C10orf67: variants seen among roughly 807,000 people sequenced by gnomAD.
C10orf67 encodes the protein uncharacterized protein C10orf67, mitochondrial.
In C10orf67, 60 loss-of-function variants were observed where a neutral mutation model predicts 35.6. The observed-to-expected ratio is 1.68, with a 90% CI of 1.37 to 2.09. C10orf67 has a LOEUF of 2.09. Among genes scored for constraint, C10orf67 ranks in the 30% most tolerant of loss-of-function variants. The probability of loss-of-function intolerance (pLI) is 0.00; values close to 1 mark genes in which losing one functional copy is unlikely to be tolerated. For missense variants in C10orf67, 474 were observed against 330.2 expected (o/e 1.44, Z -3.38); for synonymous variants, 167 against 115.8 (o/e 1.44, Z -2.84).
intron 1 of C10orf67, among the ~76,000 whole-genome samples, chr10:23,339,858 T>A (rs1845816889): frequency 6.6e-6 from 1 of 152,188 alleles, no homozygotes. Context: ...GGACCCTGAG[T>A]GCTACATCAA....
intron 10 of C10orf67, among the ~76,000 whole-genome samples, chr10:23,256,040 G>A (rs1842591068): frequency 6.6e-6 from 1 of 152,052 alleles, no homozygotes; most frequent in Non-Finnish European, 1.5e-5. Flanking sequence ...TTTGCTCCAT[G>A]GCTCAGGCTG....
rs567394599 is a variant in C10orf67 at position 23,323,819 on chromosome 10, G to A, written c.328-1282C>T. Among the ~76,000 whole-genome samples, 776 of 143,484 alleles carry A rather than the reference G, an allele frequency of 5.4e-3. 5 individuals carry two copies. The highest frequency in any genetic ancestry group is 8.1e-3 in the African/African-American group (317 of 38,900). The allele number at this position is 143,484 out of a possible 152,430, so 94.1% of individuals were successfully genotyped here. On this transcript the variant is annotated intron_variant, in intron 2 of 15. Transcript: ENST00000636213. ...CCCAGCCACTTGGGAGCTTGAACCC[G>A]GGAGATGGAGGTTGCAGTGAGCCAA...
At chr10:23,222,697 T>C (rs1367903028) in intron 15 of C10orf67, among the ~76,000 whole-genome samples, 2 of 152,160 alleles carry the variant, frequency 1.3e-5, no homozygotes, top group Admixed American at 1.3e-4. Context: ...ATCCACATGT[T>C]TACAATAAAA....
chr10:23,343,889 C>T (rs1436642530), intron 1 of C10orf67: 1 of 463,682 alleles, frequency 2.2e-6, no homozygotes, highest in East Asian at 7.3e-5. Flanking sequence ...GCGGGGACTG[C>T]CTCTCCCGCT....
intron 10 of C10orf67, among the ~76,000 whole-genome samples, chr10:23,259,930 A>G (rs2132180125): frequency 1.3e-5 from 2 of 152,316 alleles, no homozygotes; most frequent in African/African-American, 4.8e-5. Flanking sequence ...GTTGTGGAAC[A>G]ACATCAAACA....
At chr10:23,208,318 T>C (rs961122033) in intron 15 of C10orf67, among the ~76,000 whole-genome samples, 1 of 152,234 alleles carries the variant, frequency 6.6e-6, no homozygotes, top group Non-Finnish European at 1.5e-5. Flanking sequence ...TGCAGTAATA[T>C]TTCAGTCACA....
intron 12 of C10orf67, among the ~76,000 whole-genome samples, chr10:23,247,573 A>T (rs1386378806): frequency 6.6e-6 from 1 of 152,200 alleles, no homozygotes; most frequent in Non-Finnish European, 1.5e-5. Context: ...TCATCAAGTG[A>T]CACATGACTG....
intron 5 of C10orf67, among the ~76,000 whole-genome samples, chr10:23,293,151 A>T (rs1340680752): frequency 6.6e-6 from 1 of 152,258 alleles, no homozygotes; most frequent in Non-Finnish European, 1.5e-5. Flanking sequence ...ATTTGAATTC[A>T]TCAGATGAAG....
At chr10:23,247,909 TG>T (rs1842357660) in intron 12 of C10orf67, among the ~76,000 whole-genome samples, 2 of 152,174 alleles carry the variant, frequency 1.3e-5, no homozygotes, top group Admixed American at 1.3e-4. Flanking sequence ...GTGTTTACTT[TG>T]TTGAAGTAAG....
chr10:23,262,861 G>C (rs1042012052), intron 10 of C10orf67, among the ~76,000 whole-genome samples: 88 of 152,130 alleles, frequency 5.8e-4, no homozygotes, highest in African/African-American at 2.1e-3. Flanking sequence ...TGCTCTCTGA[G>C]AGCAGAATCT....
intron 8 of C10orf67, among the ~76,000 whole-genome samples, chr10:23,273,318 G>T (rs538826402): frequency 6.6e-6 from 1 of 152,156 alleles, no homozygotes; most frequent in Non-Finnish European, 1.5e-5. Context: ...AGTGTGTTTC[G>T]TAGATATCGC....
At position 23,287,803 on chromosome 10, in the gene C10orf67, G is replaced by T. The variant is rs562423551; in HGVS notation, c.909+2097C>A. ...AAAACAAACAACCCCATCAAAAAGT[G>T]GGCAAAGGATATGAACAGACACTTC... On this transcript the variant is annotated intron_variant, in intron 7 of 15. Coordinates refer to ENST00000636213, the MANE Select transcript of C10orf67 (RefSeq NM_001371909.1). 6.4e-4 allele frequency among the ~76,000 whole-genome samples: 98 copies of T among 152,208 alleles called. 1 individual carries two copies. Among genetic ancestry groups the T allele is most frequent in the Non-Finnish European group, 1.2e-3 (83 of 68,010 alleles).
At chr10:23,206,983 A>G (rs1841175063) in intron 15 of C10orf67, among the ~76,000 whole-genome samples, 1 of 152,244 alleles carries the variant, frequency 6.6e-6, no homozygotes, top group East Asian at 1.9e-4. Context: ...GTTAGCAGAC[A>G]CACATGAAGA....
At chr10:23,303,999 C>A (rs1225576588) in intron 4 of C10orf67, among the ~76,000 whole-genome samples, 11 of 152,184 alleles carry the variant, frequency 7.2e-5, no homozygotes, top group African/African-American at 2.7e-4. Flanking sequence ...TTGGTCCTGC[C>A]TCTAGAACCA....
At chr10:23,266,211 TC>T in intron 10 of C10orf67, 50 bp downstream of exon 10, 1 of 397,814 alleles carries the variant, frequency 2.5e-6, no homozygotes, top group Non-Finnish European at 4.4e-6. Flanking sequence ...GAGACAGGAG[TC>T]CCTGTGCAGA....
rs59627276 is a variant in C10orf67 at position 23,224,787 on chromosome 10, G to A, written c.1435-969C>T. The stretch of plus-strand genomic sequence containing the variant: ...GGAAGAAAAAGTATCAGTGATTGAA[G>A]ATCAAATGAATGAAATGAAGCGAGA... On this transcript the variant is annotated intron_variant, in intron 13 of 15. Transcript: ENST00000636213. Among the ~76,000 whole-genome samples the A allele has an allele frequency of 4.5e-3, 690 of 152,266 alleles. 8 individuals are homozygous for A. The highest frequency in any genetic ancestry group is 0.016 in the African/African-American group (666 of 41,554).
chr10:23,338,358 A>G (rs1401001382), intron 1 of C10orf67, among the ~76,000 whole-genome samples: 2 of 152,182 alleles, frequency 1.3e-5, no homozygotes, highest in Non-Finnish European at 2.9e-5. Context: ...ACTAGTCAAC[A>G]GCAGAGATCA....
intron 10 of C10orf67, among the ~76,000 whole-genome samples, chr10:23,255,969 T>C (rs1182844337): frequency 6.6e-6 from 1 of 152,188 alleles, no homozygotes; most frequent in Admixed American, 6.5e-5. Flanking sequence ...CATTTCCTCA[T>C]TGAGCAAATT....
chr10:23,318,823 G>T, intron 4 of C10orf67: 1 of 739,518 alleles, frequency 1.4e-6, no homozygotes, highest in Non-Finnish European at 2.5e-6. Context: ...TACTTTCATG[G>T]CTCCATGACA....
Sources: gnomAD v4.1 joint callset for allele counts (sites outside exome capture counted in the v4.1 genomes callset) on GRCh38, gnomAD v4.1.1 for gene constraint, MANE v1.5 for transcripts, NCBI Gene and HGNC (gene_info 2026-07-23, HGNC 2026-07-21) for gene names.